Variants in TTC23L observed in about 807,000 individuals in gnomAD.
TTC23L encodes tetratricopeptide repeat domain 23 like, also known as tetratricopeptide repeat protein 23-like.
TTC23L carries 42 observed loss-of-function variants against 48.1 expected under a neutral mutation model. That is an observed-to-expected ratio of 0.87 (90% CI 0.68 to 1.13). The LOEUF (loss-of-function observed/expected upper bound fraction) is 1.13, where lower values mean the gene tolerates loss of function less well. Among genes scored for constraint, TTC23L ranks in the 50% most tolerant of loss-of-function variants. The pLI, the probability that TTC23L is intolerant of heterozygous loss-of-function variation, is 0.00. For synonymous variants in TTC23L, 159 were observed against 157.2 expected (o/e 1.01, Z -0.09); for missense variants, 391 against 421.0 (o/e 0.93, Z 0.62).
intron 6 of TTC23L, among the ~76,000 whole-genome samples, chr5:34,866,666 A>G (rs1334058121): frequency 6.6e-6 from 1 of 152,220 alleles, no homozygotes; most frequent in African/African-American, 2.4e-5. Context: ...AAATTAGACA[A>G]CAGCACGACA....
chr5:34,923,309 C>T, the TTC23L span: 29 of 1,218,102 alleles, frequency 2.4e-5, no homozygotes, highest in South Asian at 1.5e-4. Flanking sequence ...GACAGAGTCT[C>T]GCTCTTGTTG....
At chr5:34,919,820 TC>T in the TTC23L span, 1 of 858,954 alleles carries the variant, frequency 1.2e-6, no homozygotes, top group Non-Finnish European at 1.8e-6. Context: ...ACTTGCTTTT[TC>T]TTTTTTTTCT....
chr5:34,846,665 G>GTTA (rs34438554), intron 3 of TTC23L, among the ~76,000 whole-genome samples: 1 of 99,440 alleles, frequency 1.0e-5, no homozygotes, highest in African/African-American at 3.7e-5. Flanking sequence ...ATATATGTGT[G>GTTA]TATGTGTGTG....
chr5:34,914,502 G>T, the TTC23L span: 1 of 608,554 alleles, frequency 1.6e-6, no homozygotes, highest in Non-Finnish European at 2.8e-6. Context: ...TTGTTACCGG[G>T]AGAGAAAAAA....
At chr5:34,914,777 T>C in the TTC23L span, 3 of 1,614,252 alleles carry the variant, frequency 1.9e-6, no homozygotes, top group Admixed American at 1.7e-5. Flanking sequence ...ACACGTGGCA[T>C]GTTCTCGGAA....
At chr5:34,848,063 C>T (rs909268549) in intron 3 of TTC23L, among the ~76,000 whole-genome samples, 3 of 152,118 alleles carry the variant, frequency 2.0e-5, no homozygotes, top group African/African-American at 4.8e-5. Flanking sequence ...GTAGATGGTA[C>T]AGGTTTCCAA....
chr5:34,858,138 A>G (rs1203274608), intron 4 of TTC23L, among the ~76,000 whole-genome samples: 1 of 152,180 alleles, frequency 6.6e-6, no homozygotes, highest in Non-Finnish European at 1.5e-5. Flanking sequence ...TGGGCTCCAG[A>G]AGCAGGCCTT....
intron 8 of TTC23L, 34 bp downstream of exon 8, chr5:34,869,047 C>A: frequency 6.6e-7 from 1 of 1,518,230 alleles, no homozygotes; most frequent in Non-Finnish European, 9.0e-7. Context: ...AGTTATTTCC[C>A]AGTCACATGA....
the TTC23L span, among the ~76,000 whole-genome samples, chr5:34,913,237 T>C: frequency 6.6e-6 from 1 of 151,892 alleles, no homozygotes; most frequent in Non-Finnish European, 1.5e-5. Flanking sequence ...GAATTTACAA[T>C]CCCTCAAAGC....
chr5:34,845,071 A>G (rs1248732794), intron 2 of TTC23L, among the ~76,000 whole-genome samples: 1 of 152,230 alleles, frequency 6.6e-6, no homozygotes. Flanking sequence ...TTGTAGAAGA[A>G]GAAGCCCTGT....
At chr5:34,845,442 T>C (rs1759028942) in intron 2 of TTC23L, 45 bp from the exon 3 acceptor site, 9 of 1,568,640 alleles carry the variant, frequency 5.7e-6, no homozygotes, top group Non-Finnish European at 7.8e-6. Context: ...TTGTTTGAGA[T>C]GGAGAAGGTT....
the TTC23L span, chr5:34,919,101 A>G: frequency 6.6e-6 from 1 of 150,776 alleles, no homozygotes; most frequent in Non-Finnish European, 1.5e-5. Context: ...ATAAAAAAAA[A>G]AAAAAATGAA....
At chr5:34,913,605 GT>G in the TTC23L span, 1 of 1,405,244 alleles carries the variant, frequency 7.1e-7, no homozygotes, top group Non-Finnish European at 9.8e-7. Context: ...AATGAAAATT[GT>G]TACATAAAAG....
At chr5:34,911,507 G>T in the TTC23L span, 2 of 1,581,036 alleles carry the variant, frequency 1.3e-6, no homozygotes, top group Non-Finnish European at 1.7e-6. Flanking sequence ...TAAGTGGGAA[G>T]ATGGAGTACA....
intron 9 of TTC23L, among the ~76,000 whole-genome samples, chr5:34,886,185 A>T (rs1196818207): frequency 1.3e-5 from 2 of 152,070 alleles, no homozygotes; most frequent in Non-Finnish European, 2.9e-5. Context: ...AAATAGTATT[A>T]TATGAATTAA....
chr5:34,853,021 T>C (rs1473076787), intron 4 of TTC23L, among the ~76,000 whole-genome samples: 1 of 152,138 alleles, frequency 6.6e-6, no homozygotes, highest in Non-Finnish European at 1.5e-5. Flanking sequence ...TACCTCCCAC[T>C]GGGACCCTCC....
chr5:34,858,683 T>TAA lies in TTC23L; in HGVS notation c.380-4206_380-4205dup, dbSNP rs146615654. Among the ~76,000 whole-genome samples, 606 of 149,526 alleles carry TAA rather than the reference T, an allele frequency of 4.1e-3. 2 individuals carry two copies. Among genetic ancestry groups the TAA allele is most frequent in the Non-Finnish European group, 5.6e-3 (374 of 67,278 alleles). On this transcript the variant is annotated intron_variant, in intron 4 of 10. Coordinates refer to ENST00000505624, the Ensembl canonical transcript of TTC23L. ...AATAAAAATAGAAAAAGGCTTCAGA[T>TAA]AAAAAAAAAATAGAGAAGTTTTGAT... is the stretch of plus-strand genomic sequence containing the variant.
At chr5:34,873,505 C>G (rs972808446) in intron 8 of TTC23L, among the ~76,000 whole-genome samples, 1 of 152,088 alleles carries the variant, frequency 6.6e-6, no homozygotes, top group Non-Finnish European at 1.5e-5. Context: ...ACAGGAGAAC[C>G]GGCAGCTTTG....
At chr5:34,918,464 A>C in the TTC23L span, 1 of 1,593,864 alleles carries the variant, frequency 6.3e-7, no homozygotes, top group East Asian at 2.2e-5. Context: ...TTGATGCCTC[A>C]TTCTAAAGCA....
Sources: gnomAD v4.1 joint callset for allele counts (sites outside exome capture counted in the v4.1 genomes callset) on GRCh38, gnomAD v4.1.1 for gene constraint, MANE v1.5 for transcripts, NCBI Gene and HGNC (gene_info 2026-07-23, HGNC 2026-07-21) for gene names.